Variants in CSMD1 observed in about 807,000 individuals in gnomAD.
CSMD1 encodes CUB and sushi domain-containing protein 1.
A neutral mutation model predicts 417.5 loss-of-function variants in CSMD1; 213 were observed. That is an observed-to-expected ratio of 0.51 (90% CI 0.46 to 0.57). The LOEUF (loss-of-function observed/expected upper bound fraction) is 0.57. Ranked by LOEUF, CSMD1 falls within the 20% of genes least tolerant of loss-of-function variation. The pLI is 0.00. For synonymous variants in CSMD1, 2,862 were observed against 1,736.8 expected (o/e 1.65, Z -16.11); for missense variants, 6,923 against 4,529.7 (o/e 1.53, Z -15.17).
At chr8:3,038,972 G>C (rs1409658340) in intron 50 of CSMD1, among the ~76,000 whole-genome samples, 1 of 152,116 alleles carries the variant, frequency 6.6e-6, no homozygotes, top group Admixed American at 6.5e-5. Context: ...AAACTGATAA[G>C]AAATTCTACA....
At chr8:4,326,385 C>T (rs1799564425) in intron 3 of CSMD1, among the ~76,000 whole-genome samples, 1 of 152,206 alleles carries the variant, frequency 6.6e-6, no homozygotes, top group Non-Finnish European at 1.5e-5. Context: ...GCGAGAGGCA[C>T]TCAGATTTTC....
intron 11 of CSMD1, among the ~76,000 whole-genome samples, chr8:3,492,865 G>A (rs1796189976): frequency 6.6e-6 from 1 of 151,872 alleles, no homozygotes; most frequent in Non-Finnish European, 1.5e-5. Context: ...TTATTACGCA[G>A]TTTTACAGGA....
rs2129094349 is a variant in CSMD1, at chr8:3,841,396, T to G, written c.819-87354A>C. 1.3e-5 allele frequency among the ~76,000 whole-genome samples: 2 copies of G among 152,300 alleles called. 1 individual carries two copies. The highest frequency in any genetic ancestry group is 6.8e-3 in the Middle Eastern group (2 of 294). ...GGTTCTCAACCTCAAGCAATGTGTT[T>G]GATTGCTTTTATGGAGAAAAGAAGA... On this transcript the variant is annotated intron_variant, in intron 5 of 69. Transcript: ENST00000635120.
chr8:4,758,877 G>C (rs562619013), intron 1 of CSMD1, among the ~76,000 whole-genome samples: 33 of 152,246 alleles, frequency 2.2e-4, no homozygotes, highest in African/African-American at 6.5e-4. Flanking sequence ...AAAGTGATTT[G>C]GGTGAGGACA....
At chr8:4,578,598 CG>C (rs1799254427) in intron 2 of CSMD1, among the ~76,000 whole-genome samples, 1 of 151,112 alleles carries the variant, frequency 6.6e-6, no homozygotes, top group South Asian at 2.1e-4. Flanking sequence ...GGGCGGTTCA[CG>C]AGGTCAGGAG....
intron 5 of CSMD1, among the ~76,000 whole-genome samples, chr8:3,924,815 G>C (rs1003316376): frequency 2.0e-5 from 3 of 152,102 alleles, no homozygotes; most frequent in South Asian, 2.1e-4. Context: ...AGTCACTGAA[G>C]TTAAGATGAT....
intron 18 of CSMD1, 120 bp downstream of exon 18, chr8:3,387,374 G>C (rs971168668): frequency 1.1e-5 from 8 of 727,272 alleles, no homozygotes; most frequent in African/African-American, 1.1e-4. Flanking sequence ...ACTTCTCAGA[G>C]GGAACTCACG....
At chr8:3,646,750 G>C (rs17397289) in intron 7 of CSMD1, among the ~76,000 whole-genome samples, 9,740 of 152,150 alleles carry the variant, frequency 0.064, 360 homozygotes, top group Middle Eastern at 0.11. Flanking sequence ...AGGCTGGAAA[G>C]AACGTTTTCA....
At chr8:4,220,060 G>C (rs953268004) in intron 3 of CSMD1, among the ~76,000 whole-genome samples, 2 of 151,970 alleles carry the variant, frequency 1.3e-5, no homozygotes, top group African/African-American at 2.4e-5. Context: ...AGCAATTCTC[G>C]TGCCTCAGCC....
intron 1 of CSMD1, among the ~76,000 whole-genome samples, chr8:4,914,851 C>T (rs1406632771): frequency 1.3e-5 from 2 of 152,286 alleles, no homozygotes; most frequent in Middle Eastern, 3.4e-3. Context: ...TCACCTACTG[C>T]TATTTCACCT....
intron 7 of CSMD1, among the ~76,000 whole-genome samples, chr8:3,623,946 C>T (rs1280595662): frequency 1.3e-5 from 2 of 151,916 alleles, no homozygotes; most frequent in East Asian, 3.9e-4. Flanking sequence ...CACTGCACTC[C>T]AGCCTGGGTG....
At chr8:4,337,219 C>T (rs1192018903) in intron 3 of CSMD1, among the ~76,000 whole-genome samples, 1 of 151,984 alleles carries the variant, frequency 6.6e-6, no homozygotes, top group Non-Finnish European at 1.5e-5. Context: ...CAATCTTTAC[C>T]CAGGAGGCAA....
At chr8:4,864,021 C>T (rs1365697304) in intron 1 of CSMD1, among the ~76,000 whole-genome samples, 1 of 151,926 alleles carries the variant, frequency 6.6e-6, no homozygotes, top group Non-Finnish European at 1.5e-5. Context: ...ATATGCTTTA[C>T]ATTAATAGCA....
intron 1 of CSMD1, among the ~76,000 whole-genome samples, chr8:4,651,469 G>C (rs2617035): frequency 1.2e-3 from 186 of 151,930 alleles, no homozygotes; most frequent in African/African-American, 4.3e-3. Flanking sequence ...ATATACTGGT[G>C]GGGGGAGGAA....
chr8:3,036,308 T>G (rs909640504), intron 50 of CSMD1, among the ~76,000 whole-genome samples: 1 of 152,174 alleles, frequency 6.6e-6, no homozygotes, highest in Non-Finnish European at 1.5e-5. Flanking sequence ...CTCTCAAAAA[T>G]TTCAGAAACT....
At chr8:4,446,172 G>A (rs540307471) in intron 2 of CSMD1, among the ~76,000 whole-genome samples, 3 of 152,178 alleles carry the variant, frequency 2.0e-5, no homozygotes, top group East Asian at 1.9e-4. Context: ...CTTCATAAAT[G>A]ACGCATCAAA....
chr8:4,011,732 T>C (rs975718329), intron 4 of CSMD1, among the ~76,000 whole-genome samples: 1 of 152,204 alleles, frequency 6.6e-6, no homozygotes, highest in Non-Finnish European at 1.5e-5. Context: ...GTTATCAGCA[T>C]ACTTTTTTCT....
At chr8:3,871,656 C>T (rs1343816020) in intron 5 of CSMD1, among the ~76,000 whole-genome samples, 1 of 152,092 alleles carries the variant, frequency 6.6e-6, no homozygotes, top group Non-Finnish European at 1.5e-5. Flanking sequence ...TAGTCTCAAC[C>T]TTTAATCTTT....
At chr8:4,704,563 G>A (rs1010698052) in intron 1 of CSMD1, among the ~76,000 whole-genome samples, 4 of 152,164 alleles carry the variant, frequency 2.6e-5, no homozygotes, top group African/African-American at 9.7e-5. Context: ...TTTGATTACA[G>A]AACATTTTCA....
Sources: allele counts gnomAD v4.1 joint callset (sites outside exome capture counted in the v4.1 genomes callset), GRCh38; gene constraint gnomAD v4.1.1; transcripts MANE v1.5; gene names NCBI Gene and HGNC (gene_info 2026-07-23, HGNC 2026-07-21).